Variants in RUFY3 observed in about 807,000 individuals in gnomAD.
RUFY3 encodes the protein protein RUFY3.
Under a neutral mutation model 84.0 loss-of-function variants are expected in RUFY3, and 34 were observed. The ratio of observed to expected loss-of-function variants is 0.40; its 90% CI spans 0.31 to 0.54. The LOEUF (loss-of-function observed/expected upper bound fraction) is 0.54, where lower values mean the gene tolerates loss of function less well. Ranked by LOEUF, RUFY3 falls within the 20% of genes least tolerant of loss-of-function variation. The pLI, the probability that RUFY3 is intolerant of heterozygous loss-of-function variation, is 0.39. For synonymous variants in RUFY3, 242 were observed against 252.9 expected (o/e 0.96, Z 0.41); for missense variants, 507 against 736.8 (o/e 0.69, Z 3.61).
At chr4:70,736,339 TAAC>T (rs1720290528) in intron 1 of RUFY3, among the ~76,000 whole-genome samples, 1 of 152,130 alleles carries the variant, frequency 6.6e-6, no homozygotes, top group Non-Finnish European at 1.5e-5. Flanking sequence ...TACCTAGGGA[TAAC>T]CACTGTTAAG....
rs140329325 is a variant in RUFY3, at chr4:70,757,332, C to T, written c.179-5187C>T. Among the ~76,000 whole-genome samples the T allele has an allele frequency of 3.1e-3, 469 of 151,740 alleles. 4 individuals are homozygous for T. Among genetic ancestry groups the T allele is most frequent in the African/African-American group, 0.011 (446 of 41,398 alleles). The stretch of plus-strand genomic sequence containing the variant: ...AAAATTATTTGTTCTGGGCCGGGCG[C>T]GGTGGTTCATGCCTGTAATCCCAGC... On this transcript the variant is annotated intron_variant, in intron 1 of 17. Transcript: ENST00000381006.
At chr4:70,759,981 A>G (rs2148699226) in intron 1 of RUFY3, among the ~76,000 whole-genome samples, 1 of 151,192 alleles carries the variant, frequency 6.6e-6, no homozygotes, top group Non-Finnish European at 1.5e-5. Flanking sequence ...CATAAAAATG[A>G]ATTATCTAGC....
intron 17 of RUFY3, among the ~76,000 whole-genome samples, chr4:70,805,164 GA>G (rs1238605841): frequency 6.6e-6 from 1 of 152,192 alleles, no homozygotes; most frequent in Non-Finnish European, 1.5e-5. Context: ...AGTCATAAGT[GA>G]TGAAGCCCAG....
upstream of RUFY3, among the ~76,000 whole-genome samples, chr4:70,721,319 A>G (rs979238309): frequency 6.6e-6 from 1 of 152,166 alleles, no homozygotes; most frequent in African/African-American, 2.4e-5. Context: ...AAAAAAAAGA[A>G]ACGTATTTTA....
At chr4:70,804,839 C>G (rs1014178629) in intron 17 of RUFY3, among the ~76,000 whole-genome samples, 1 of 151,356 alleles carries the variant, frequency 6.6e-6, no homozygotes, top group Non-Finnish European at 1.5e-5. Context: ...GCAGGAGAAT[C>G]GCTTGAACCC....
At chr4:70,767,257 GTATTTTT>G (rs1726116837) in intron 4 of RUFY3, among the ~76,000 whole-genome samples, 3 of 68,932 alleles carry the variant, frequency 4.4e-5, no homozygotes, top group South Asian at 4.6e-4. Flanking sequence ...GGCTAATTTT[GTATTTTT>G]TTTTTTTTTT....
chr4:70,732,471 G>A (rs567214915), intron 1 of RUFY3, among the ~76,000 whole-genome samples: 14 of 152,122 alleles, frequency 9.2e-5, no homozygotes, highest in South Asian at 6.2e-4. Context: ...TGTTTATTGC[G>A]GCACTATTCA....
At chr4:70,703,784 T>C (rs559198166), upstream of RUFY3, 8 of 152,372 alleles carry the variant, frequency 5.3e-5, no homozygotes, top group South Asian at 1.4e-3. Flanking sequence ...AATGTTTACT[T>C]TTCCTTTCAA....
chr4:70,779,243 T>G (rs1419882093), intron 8 of RUFY3, among the ~76,000 whole-genome samples: 1 of 152,152 alleles, frequency 6.6e-6, no homozygotes, highest in Non-Finnish European at 1.5e-5. Context: ...TGCCTACAAA[T>G]CATGCTTATG....
At chr4:70,738,784 T>C (rs1338363390) in intron 1 of RUFY3, among the ~76,000 whole-genome samples, 1 of 151,780 alleles carries the variant, frequency 6.6e-6, no homozygotes, top group Non-Finnish European at 1.5e-5. Context: ...TTTATATTAC[T>C]TTATTTATTT....
intron 1 of RUFY3, among the ~76,000 whole-genome samples, chr4:70,723,599 AAGAG>A (rs1717736618): frequency 6.6e-6 from 1 of 152,306 alleles, no homozygotes; most frequent in South Asian, 2.1e-4. Flanking sequence ...ATACCACAGA[AAGAG>A]AGCTGATTTG....
At chr4:70,719,901 TTGAATGAATGAA>T (rs542876190), upstream of RUFY3, among the ~76,000 whole-genome samples, 1 of 152,096 alleles carries the variant, frequency 6.6e-6, no homozygotes, top group Non-Finnish European at 1.5e-5. Context: ...TGAATATCTG[TTGAATGAATGAA>T]TGAATGAATG....
chr4:70,800,235 G>A, intron 15 of RUFY3, 30 bp downstream of exon 15: 2 of 1,567,254 alleles, frequency 1.3e-6, no homozygotes, highest in Non-Finnish European at 1.7e-6. Context: ...TAACTAAGAT[G>A]TAAAGTTATT....
intron 1 of RUFY3, among the ~76,000 whole-genome samples, chr4:70,752,200 T>TA (rs1216177713): frequency 1.3e-5 from 2 of 152,242 alleles, no homozygotes; most frequent in African/African-American, 4.8e-5. Context: ...GAATTGTTTT[T>TA]AAATTTCTTT....
intron 1 of RUFY3, chr4:70,705,349 GA>G (rs1340733398): frequency 6.4e-6 from 8 of 1,244,096 alleles, no homozygotes; most frequent in Non-Finnish European, 8.2e-6. Context: ...TTCGGCTGGG[GA>G]GGGCCGGCCC....
In RUFY3 at chr4:70,747,379, T is replaced by C. The variant is rs573509077; in HGVS notation, c.179-15140T>C. 6.6e-5 allele frequency among the ~76,000 whole-genome samples: 10 copies of C among 152,300 alleles called. No individual in the cohort carries two copies. In the South Asian group the frequency reaches 1.9e-3, roughly 28 times the overall value. On this transcript the variant is annotated intron_variant, in intron 1 of 17. Transcript: ENST00000381006. ...TACATAGCCTTACTATATAGGACAT[T>C]AAATTGATTTTGTGACCCACTAAAG...
chr4:70,776,636 C>T (rs1335439292), intron 7 of RUFY3, among the ~76,000 whole-genome samples: 5 of 152,040 alleles, frequency 3.3e-5, no homozygotes, highest in African/African-American at 7.3e-5. Flanking sequence ...ATTAGCCGGG[C>T]GTGGTACCAG....
intron 1 of RUFY3, among the ~76,000 whole-genome samples, chr4:70,746,504 C>CAAAAA (rs1178734323): frequency 3.1e-5 from 2 of 65,108 alleles, no homozygotes; most frequent in African/African-American, 8.8e-5. Context: ...AAGACTGTCT[C>CAAAAA]AAAAAAAAAA....
chr4:70,774,644 A>AAAAATAT (rs1553916771), intron 6 of RUFY3, among the ~76,000 whole-genome samples: 4 of 56,670 alleles, frequency 7.1e-5, no homozygotes, highest in East Asian at 6.4e-4. Flanking sequence ...AAAAAAAAAA[A>AAAAATAT]ATATATATAT....
Sources: allele counts gnomAD v4.1 joint callset (sites outside exome capture counted in the v4.1 genomes callset), GRCh38; gene constraint gnomAD v4.1.1; transcripts MANE v1.5; gene names NCBI Gene and HGNC (gene_info 2026-07-23, HGNC 2026-07-21).